PHACTR3: variants seen among roughly 807,000 people sequenced by gnomAD.
The protein encoded by PHACTR3 is phosphatase and actin regulator 3.
PHACTR3 carries 16 observed loss-of-function variants against 66.8 expected under a neutral mutation model. The ratio of observed to expected loss-of-function variants is 0.24; its 90% CI spans 0.16 to 0.36. The LOEUF is 0.36. Ranked by LOEUF, PHACTR3 falls within the 10% of genes least tolerant of loss-of-function variation. PHACTR3 has a pLI of 1.00. For missense variants in PHACTR3, 647 were observed against 719.9 expected, an observed-to-expected ratio of 0.90 and a Z score of 1.16; for synonymous variants, 323 against 292.1, an observed-to-expected ratio of 1.11 and a Z score of -1.08.
At chr20:59,667,308 C>T (rs2036024493) in intron 1 of PHACTR3, among the ~76,000 whole-genome samples, 1 of 152,240 alleles carries the variant, frequency 6.6e-6, no homozygotes, top group East Asian at 1.9e-4. Context: ...AGCTGTGGGG[C>T]TCCCACAATA....
intron 1 of PHACTR3, among the ~76,000 whole-genome samples, chr20:59,613,104 C>T (rs1381335891): frequency 2.0e-5 from 3 of 152,140 alleles, no homozygotes; most frequent in African/African-American, 7.2e-5. Flanking sequence ...GATTCCATTT[C>T]AACATGAGAT....
chr20:59,777,104 G>A (rs1305131656), intron 7 of PHACTR3, among the ~76,000 whole-genome samples: 1 of 152,158 alleles, frequency 6.6e-6, no homozygotes, highest in Admixed American at 6.5e-5. Context: ...AGTTTCTGGT[G>A]GTTCCTGCAT....
At chr20:59,809,119 G>A (rs989393701) in intron 8 of PHACTR3, among the ~76,000 whole-genome samples, 5 of 152,130 alleles carry the variant, frequency 3.3e-5, no homozygotes, top group Admixed American at 2.6e-4. Context: ...TCTGGTCTCC[G>A]CTGGGGAGCT....
chr20:59,585,907 C>T (rs1007849348), intron 1 of PHACTR3, among the ~76,000 whole-genome samples: 4 of 152,198 alleles, frequency 2.6e-5, no homozygotes, highest in African/African-American at 9.7e-5. Flanking sequence ...GGGCATGTGG[C>T]CTCTTTGCGT....
intron 7 of PHACTR3, among the ~76,000 whole-genome samples, chr20:59,799,540 A>C (rs2041352472): frequency 6.6e-6 from 1 of 152,148 alleles, no homozygotes; most frequent in South Asian, 2.1e-4. Flanking sequence ...TTTTCAAAGA[A>C]CCTGATGAGG....
At chr20:59,737,214 C>T (rs1431682180) in intron 1 of PHACTR3, among the ~76,000 whole-genome samples, 1 of 152,178 alleles carries the variant, frequency 6.6e-6, no homozygotes, top group Admixed American at 6.5e-5. Context: ...CCCTCTGGAG[C>T]ACCCAGTGCT....
At chr20:59,611,376 G>A (rs548500594) in intron 1 of PHACTR3, among the ~76,000 whole-genome samples, 152 of 152,354 alleles carry the variant, frequency 1.0e-3, no homozygotes, top group African/African-American at 3.4e-3. Flanking sequence ...AGCAGGGAGC[G>A]GGAGGAGGCG....
chr20:59,825,414 ATTCATTCACTCG>A (rs1298731727), intron 8 of PHACTR3, among the ~76,000 whole-genome samples: 18 of 152,142 alleles, frequency 1.2e-4, no homozygotes, highest in African/African-American at 2.4e-5. Context: ...TCACTTGTTC[ATTCATTCACTCG>A]TTCATTCACT....
At chr20:59,748,374 G>A (rs2039449700) in intron 3 of PHACTR3, among the ~76,000 whole-genome samples, 1 of 152,134 alleles carries the variant, frequency 6.6e-6, no homozygotes. Flanking sequence ...CGAGGCGTGG[G>A]AGGGTCTGGG....
intron 1 of PHACTR3, among the ~76,000 whole-genome samples, chr20:59,597,917 CTCTG>C (rs1386721114): frequency 6.6e-6 from 1 of 152,232 alleles, no homozygotes; most frequent in Non-Finnish European, 1.5e-5. Context: ...AAGTGGCTCT[CTCTG>C]TCTATCAGCA....
intron 7 of PHACTR3, 71 bp downstream of exon 7, chr20:59,774,561 CAG>C: frequency 6.5e-7 from 1 of 1,547,740 alleles, no homozygotes; most frequent in South Asian, 1.3e-5. Context: ...GGGTCGAGGA[CAG>C]AGCTCGTGCC....
intron 1 of PHACTR3, among the ~76,000 whole-genome samples, chr20:59,582,923 T>C (rs2032903734): frequency 6.6e-6 from 1 of 151,912 alleles, no homozygotes; most frequent in Non-Finnish European, 1.5e-5. Flanking sequence ...TGGTAAAATG[T>C]ATCCAGCTTT....
intron 7 of PHACTR3, among the ~76,000 whole-genome samples, chr20:59,803,806 A>G (rs1272701677): frequency 6.6e-6 from 1 of 152,312 alleles, no homozygotes; most frequent in East Asian, 1.9e-4. Flanking sequence ...TGTTTGTCCC[A>G]ATCATTTTAG....
intron 1 of PHACTR3, among the ~76,000 whole-genome samples, chr20:59,704,647 T>A (rs2037634431): frequency 6.6e-6 from 1 of 151,398 alleles, no homozygotes; most frequent in Non-Finnish European, 1.5e-5. Context: ...TAAATTCTCT[T>A]TCTGGACTTT....
intron 1 of PHACTR3, among the ~76,000 whole-genome samples, chr20:59,708,899 A>G (rs2037814115): frequency 6.6e-6 from 1 of 152,208 alleles, no homozygotes; most frequent in Non-Finnish European, 1.5e-5. Flanking sequence ...AAATACAGTG[A>G]CATTCCCTTC....
chr20:59,696,544 G>C (rs1486810108), intron 1 of PHACTR3, among the ~76,000 whole-genome samples: 1 of 152,116 alleles, frequency 6.6e-6, no homozygotes, highest in Non-Finnish European at 1.5e-5. Flanking sequence ...TTTCTCCCTG[G>C]TCTCGTTGGG....
At chr20:59,673,825 C>A (rs1373040099) in intron 1 of PHACTR3, among the ~76,000 whole-genome samples, 1 of 152,056 alleles carries the variant, frequency 6.6e-6, no homozygotes, top group East Asian at 1.9e-4. Flanking sequence ...TGTGTCCGAA[C>A]TGGGTAGTTT....
intron 1 of PHACTR3, among the ~76,000 whole-genome samples, chr20:59,612,360 CTT>C (rs11319260): frequency 2.5e-4 from 35 of 140,768 alleles, no homozygotes; most frequent in Admixed American, 5.0e-4. Flanking sequence ...CCATCTTCAT[CTT>C]TTTTTTTTTT....
rs138449319 is a variant in PHACTR3, at chr20:59,808,132, C to T, written c.1328+1938C>T. Among the ~76,000 whole-genome samples, 8 of 152,302 alleles carry T rather than the reference C, an allele frequency of 5.3e-5. No individual in the cohort carries two copies. The South Asian group carries it at 6.2e-4, about 12-fold the overall frequency. Reference sequence around the variant, plus strand: ...TTTGGAAGGCAAGGCTACCATGAGCCGGGTGGAGCTGACTTGTGTGGCTTT... The same window carrying T: ...TTTGGAAGGCAAGGCTACCATGAGCTGGGTGGAGCTGACTTGTGTGGCTTT... On this transcript the variant is annotated intron_variant, in intron 8 of 12. Coordinates refer to ENST00000371015, the MANE Select transcript of PHACTR3 (RefSeq NM_080672.5).
Sources: allele counts gnomAD v4.1 joint callset (sites outside exome capture counted in the v4.1 genomes callset), GRCh38; gene constraint gnomAD v4.1.1; transcripts MANE v1.5; gene names NCBI Gene and HGNC (gene_info 2026-07-23, HGNC 2026-07-21).